Variants in FLRT2 observed in about 807,000 individuals in gnomAD.
FLRT2 encodes leucine-rich repeat transmembrane protein FLRT2.
A neutral mutation model predicts 40.0 loss-of-function variants in FLRT2; 15 were observed. That is an observed-to-expected ratio of 0.38 (90% CI 0.25 to 0.58). The LOEUF (loss-of-function observed/expected upper bound fraction) is 0.58. Among genes scored for constraint, FLRT2 ranks in the 20% least tolerant of loss-of-function variants. The pLI, the probability that FLRT2 is intolerant of heterozygous loss-of-function variation, is 0.71. For synonymous variants in FLRT2, 380 were observed against 336.8 expected (o/e 1.13, Z -1.41); for missense variants, 726 against 840.0 (o/e 0.86, Z 1.68).
chr14:85,600,067 A>G (rs1159301486), intron 1 of FLRT2, among the ~76,000 whole-genome samples: 1 of 152,202 alleles, frequency 6.6e-6, no homozygotes, highest in Non-Finnish European at 1.5e-5. Flanking sequence ...CAGCTCATTT[A>G]TGGGGGTAGC....
intron 1 of FLRT2, among the ~76,000 whole-genome samples, chr14:85,552,532 A>T (rs1302728145): frequency 6.6e-6 from 1 of 152,184 alleles, no homozygotes; most frequent in Non-Finnish European, 1.5e-5. Context: ...GTTGATATTA[A>T]CAGGTTCCTA....
intron 1 of FLRT2, among the ~76,000 whole-genome samples, chr14:85,573,673 G>A (rs1890998187): frequency 6.6e-6 from 1 of 152,180 alleles, no homozygotes; most frequent in Non-Finnish European, 1.5e-5. Flanking sequence ...CTGACATCAG[G>A]TGTCAGGGGT....
intron 1 of FLRT2, among the ~76,000 whole-genome samples, chr14:85,599,645 A>G (rs1892296814): frequency 6.6e-6 from 1 of 152,220 alleles, no homozygotes. Flanking sequence ...TACCTTAGCC[A>G]TTAATTAATC....
Position 85,625,257 on chromosome 14 carries a change from C to G in FLRT2, c.*1760C>G. The stretch of plus-strand genomic sequence containing the variant: ...TGCTGCATATTTCTTTTACCATTGA[C>G]CATTATTATAGGGACCCATGAAGTA... On this transcript the variant is annotated 3_prime_UTR_variant, in exon 2 of 2. Transcript: ENST00000330753. 1 of 167,008 alleles carries G rather than the reference C, an allele frequency of 6.0e-6. No homozygotes were observed. The highest frequency in any genetic ancestry group is 1.9e-4 in the East Asian group (1 of 5,208). 10.3% of individuals were successfully genotyped at this position (167,008 alleles called of 1,614,324 possible).
At chr14:85,606,907 A>ACC (rs1351969658) in intron 1 of FLRT2, among the ~76,000 whole-genome samples, 1 of 140,822 alleles carries the variant, frequency 7.1e-6, no homozygotes, top group African/African-American at 2.6e-5. Context: ...CTTCCCCCAC[A>ACC]CCCCCTGCCA....
intron 1 of FLRT2, among the ~76,000 whole-genome samples, chr14:85,611,050 C>T (rs1292181863): frequency 2.0e-5 from 3 of 152,088 alleles, no homozygotes; most frequent in African/African-American, 4.8e-5. Flanking sequence ...CACCTGGCAC[C>T]ACACCCAGCT....
intron 1 of FLRT2, among the ~76,000 whole-genome samples, chr14:85,548,273 G>T (rs11159709): frequency 0.64 from 96,886 of 152,096 alleles, 34,715 homozygotes; most frequent in Middle Eastern, 0.81. Context: ...TACCAAGTTT[G>T]CACAAATAAC....
At chr14:85,596,687 C>T (rs1048649474) in intron 1 of FLRT2, among the ~76,000 whole-genome samples, 15 of 152,230 alleles carry the variant, frequency 9.9e-5, no homozygotes, top group Non-Finnish European at 1.8e-4. Flanking sequence ...ACTCTCTTAG[C>T]CTATCATGAT....
Position 85,644,656 on chromosome 14 carries a change from C to G in FLRT2, c.*21159C>G, listed in dbSNP as rs2139403231. On this transcript the variant is annotated 3_prime_UTR_variant, in exon 2 of 2. Transcript: ENST00000330753. ...ACTGGGCCTGTTCTTGATGGGCTCC[C>G]TGGATGTTTGAAGGCAACATATACT... 6.6e-6 allele frequency: 1 copy of G among 152,266 alleles called. No homozygotes were observed. The highest frequency in any genetic ancestry group is 6.5e-5 in the Admixed American group (1 of 15,288). 9.4% of individuals were successfully genotyped at this position (152,266 alleles called of 1,614,324 possible).
In FLRT2 at chr14:85,634,009, G is replaced by T. The variant is rs1254057493; in HGVS notation, c.*10512G>T. On this transcript the variant is annotated 3_prime_UTR_variant, in exon 2 of 2. Coordinates refer to ENST00000330753, the MANE Select transcript of FLRT2 (RefSeq NM_013231.6). ...TGCAATAGTCTACCACCTGTCATGT[G>T]GTTACTTTTTGCAATCGATATCATT... 6.6e-6 allele frequency: 1 copy of T among 152,038 alleles called. No individual in the cohort carries two copies. Among genetic ancestry groups the T allele is most frequent in the African/African-American group, 2.4e-5 (1 of 41,382 alleles). 9.4% of individuals were successfully genotyped at this position (152,038 alleles called of 1,614,324 possible). A position where few individuals can be genotyped will look rare whatever the true frequency, so the allele number is the denominator to read the frequency against.
chr14:85,641,828 T>C lies in FLRT2; in HGVS notation c.*18331T>C, dbSNP rs1894155687. On this transcript the variant is annotated 3_prime_UTR_variant, in exon 2 of 2. Coordinates refer to ENST00000330753, the MANE Select transcript of FLRT2 (RefSeq NM_013231.6). ...TAGAGACAATCTTATTCATGCATAA[T>C]GGATCACTGATAATTTTTGGCTTGC... 6.6e-6 allele frequency: 1 copy of C among 151,582 alleles called. No individual in the cohort carries two copies. The highest frequency in any genetic ancestry group is 2.4e-5 in the African/African-American group (1 of 41,186). The allele number at this position is 151,582 out of a possible 1,614,324, so 9.4% of individuals were successfully genotyped here.
At chr14:85,609,209 T>C (rs1284155054) in intron 1 of FLRT2, among the ~76,000 whole-genome samples, 1 of 151,996 alleles carries the variant, frequency 6.6e-6, no homozygotes, top group Non-Finnish European at 1.5e-5. Flanking sequence ...TGTGAGAAAG[T>C]TGGAGCCAGG....
chr14:85,534,491 C>T (rs1016595145), intron 1 of FLRT2, among the ~76,000 whole-genome samples: 6 of 152,174 alleles, frequency 3.9e-5, no homozygotes, highest in Admixed American at 1.3e-4. Context: ...ATCCTCCTTC[C>T]CTCCCTTCAC....
chr14:85,568,845 C>A (rs1350680254), intron 1 of FLRT2, among the ~76,000 whole-genome samples: 1 of 152,170 alleles, frequency 6.6e-6, no homozygotes, highest in African/African-American at 2.4e-5. Flanking sequence ...CAGAAGTTAA[C>A]ATATGTGGTA....
intron 1 of FLRT2, among the ~76,000 whole-genome samples, chr14:85,563,520 A>G (rs1890469828): frequency 6.6e-6 from 1 of 152,208 alleles, no homozygotes. Flanking sequence ...AAGGGGAAGC[A>G]GGCACCTTCT....
chr14:85,533,393 C>T (rs1005456748), intron 1 of FLRT2, among the ~76,000 whole-genome samples: 1 of 151,968 alleles, frequency 6.6e-6, no homozygotes, highest in Non-Finnish European at 1.5e-5. Flanking sequence ...CGGGCGGGCG[C>T]AGCACTTGGA....
chr14:85,621,414 G>A lies in FLRT2; in HGVS notation c.-101G>A. On this transcript the variant is annotated 5_prime_UTR_variant, in exon 2 of 2. Transcript: ENST00000330753. ...GACGTTCCCTCTAGCTGGAGTTCTG[G>A]ACTTCAACAGAACCCCATCCAGTCA... 9.1e-7 allele frequency: 1 copy of A among 1,099,146 alleles called. No individual in the cohort carries two copies. The highest frequency in any genetic ancestry group is 1.3e-6 in the Non-Finnish European group (1 of 780,988). The allele number at this position is 1,099,146 out of a possible 1,614,324, so 68.1% of individuals were successfully genotyped here. A position where few individuals can be genotyped will look rare whatever the true frequency, so the allele number is the denominator to read the frequency against.
intron 1 of FLRT2, among the ~76,000 whole-genome samples, chr14:85,607,899 C>T (rs183082222): frequency 4.6e-5 from 7 of 152,088 alleles, no homozygotes; most frequent in Admixed American, 4.6e-4. Context: ...GGAGTTCAAG[C>T]TGTCGGCAGG....
chr14:85,567,493 A>C (rs902323972), intron 1 of FLRT2, among the ~76,000 whole-genome samples: 1 of 152,134 alleles, frequency 6.6e-6, no homozygotes, highest in Non-Finnish European at 1.5e-5. Context: ...CAGGAGCGTA[A>C]GTTTCTGCAT....
Sources: gnomAD v4.1 joint callset for allele counts (sites outside exome capture counted in the v4.1 genomes callset) on GRCh38, gnomAD v4.1.1 for gene constraint, MANE v1.5 for transcripts, NCBI Gene and HGNC (gene_info 2026-07-23, HGNC 2026-07-21) for gene names.